ENPP6: variants seen among roughly 807,000 people sequenced by gnomAD.
ENPP6 encodes the protein glycerophosphocholine cholinephosphodiesterase ENPP6.
In ENPP6, 32 loss-of-function variants were observed where a neutral mutation model predicts 42.0. The observed-to-expected ratio is 0.76, with a 90% CI of 0.58 to 1.02. The LOEUF (loss-of-function observed/expected upper bound fraction) is 1.02. Among genes scored for constraint, ENPP6 ranks in the 50% least tolerant of loss-of-function variants. The pLI, the probability that ENPP6 is intolerant of heterozygous loss-of-function variation, is 0.00. For synonymous variants in ENPP6, 213 were observed against 216.0 expected (o/e 0.99, Z 0.12); for missense variants, 552 against 566.8 (o/e 0.97, Z 0.27).
At chr4:184,134,151 T>TATTTATTTATTTATTTA (rs1736689854) in intron 2 of ENPP6, among the ~76,000 whole-genome samples, 1 of 151,702 alleles carries the variant, frequency 6.6e-6, no homozygotes, top group South Asian at 2.1e-4. Context: ...TTTATTTATT[T>TATTTATTTATTTATTTA]ATTTATTTTT....
chr4:184,122,792 A>G (rs906362465), intron 3 of ENPP6, among the ~76,000 whole-genome samples: 2 of 152,142 alleles, frequency 1.3e-5, no homozygotes, highest in African/African-American at 4.8e-5. Flanking sequence ...CCGAAATTTC[A>G]TATTTGGCAC....
chr4:184,162,115 C>T (rs1438475568), intron 1 of ENPP6, among the ~76,000 whole-genome samples: 1 of 152,130 alleles, frequency 6.6e-6, no homozygotes, highest in Non-Finnish European at 1.5e-5. Flanking sequence ...CTGGCCACCA[C>T]TCTCAAGGAC....
chr4:184,217,653 C>G lies in ENPP6; in HGVS notation c.167G>C (p.Arg56Thr), dbSNP rs774674294. 1.2e-5 allele frequency: 19 copies of G among 1,614,100 alleles called. No individual in the cohort carries two copies. In the South Asian group the frequency reaches 2.0e-4, roughly 17 times the overall value. ...AGTCAAGTAATCCACTTTTACTCCC[C>G]TGCTCACAATCTCTTTGAAACCAGG... is the stretch of plus-strand genomic sequence containing the variant. ...SLPGFKEIVS[R>T]GVKVDYLTPD... is the part of the protein sequence containing the mutation. The change falls in exon 1 of 8, where the codon AGG (arginine) becomes ACG (threonine). Residue 56 changes from arginine to threonine, a missense_variant. Arg to Thr is a moderately conservative substitution (Grantham distance 71, BLOSUM62 -1). Coordinates refer to ENST00000296741, the MANE Select transcript of ENPP6 (RefSeq NM_153343.4).
chr4:184,108,312 T>G (rs968972740), intron 6 of ENPP6, among the ~76,000 whole-genome samples: 3 of 152,156 alleles, frequency 2.0e-5, no homozygotes, highest in African/African-American at 7.2e-5. Context: ...AGATGTGAAG[T>G]CTAAGCCAGC....
chr4:184,096,690 C>G (rs1293262590), intron 7 of ENPP6, among the ~76,000 whole-genome samples: 3 of 152,178 alleles, frequency 2.0e-5, no homozygotes, highest in African/African-American at 4.8e-5. Flanking sequence ...CAAATTTGCT[C>G]TCATGCAAGG....
intron 2 of ENPP6, among the ~76,000 whole-genome samples, chr4:184,146,165 G>A (rs1736917104): frequency 6.6e-6 from 1 of 152,030 alleles, no homozygotes. Context: ...AGGCGCAGTG[G>A]CTCACGCCTG....
At chr4:184,108,995 G>A (rs558923160) in intron 6 of ENPP6, among the ~76,000 whole-genome samples, 3 of 152,368 alleles carry the variant, frequency 2.0e-5, no homozygotes, top group Admixed American at 6.5e-5. Flanking sequence ...CAGATCACTT[G>A]AGGTCAGGAG....
intron 7 of ENPP6, among the ~76,000 whole-genome samples, chr4:184,095,672 CTA>C (rs1331515871): frequency 6.4e-5 from 9 of 140,440 alleles, no homozygotes; most frequent in Non-Finnish European, 9.0e-5. Flanking sequence ...AAAAATATAT[CTA>C]TATATATATA....
At chr4:184,215,389 T>G (rs1561014854) in intron 1 of ENPP6, among the ~76,000 whole-genome samples, 1 of 152,326 alleles carries the variant, frequency 6.6e-6, no homozygotes, top group East Asian at 1.9e-4. Context: ...GCTATATCCT[T>G]CTTTATATGA....
chr4:184,165,879 A>G (rs1200239056), intron 1 of ENPP6, among the ~76,000 whole-genome samples: 1 of 152,240 alleles, frequency 6.6e-6, no homozygotes, highest in African/African-American at 2.4e-5. Flanking sequence ...AAAATGTTAA[A>G]TAAGTCAGAT....
intron 6 of ENPP6, among the ~76,000 whole-genome samples, chr4:184,106,332 G>A (rs370940951): frequency 3.3e-5 from 5 of 152,090 alleles, no homozygotes; most frequent in African/African-American, 1.2e-4. Context: ...ACCATGTCCG[G>A]CCACAAAAAT....
At chr4:184,175,540 G>T (rs1737546881) in intron 1 of ENPP6, among the ~76,000 whole-genome samples, 1 of 152,076 alleles carries the variant, frequency 6.6e-6, no homozygotes, top group African/African-American at 2.4e-5. Flanking sequence ...CGCAGAGTGG[G>T]GGCATTTTAT....
intron 2 of ENPP6, among the ~76,000 whole-genome samples, chr4:184,134,713 G>C (rs1421632358): frequency 2.7e-5 from 4 of 150,916 alleles, no homozygotes; most frequent in Non-Finnish European, 5.9e-5. Context: ...TTTGTTGTAT[G>C]TTTATTTTCT....
At chr4:184,097,530 G>A (rs1204986337) in intron 6 of ENPP6, among the ~76,000 whole-genome samples, 162 bp from the exon 7 acceptor site, 1 of 152,158 alleles carries the variant, frequency 6.6e-6, no homozygotes, top group Non-Finnish European at 1.5e-5. Context: ...GCTCCAGGCC[G>A]CTCAGACCTC....
At chr4:184,178,220 T>C (rs1429430374) in intron 1 of ENPP6, among the ~76,000 whole-genome samples, 2 of 151,894 alleles carry the variant, frequency 1.3e-5, no homozygotes, top group African/African-American at 2.4e-5. Flanking sequence ...AACTTCACAA[T>C]GCAACCACAA....
intron 6 of ENPP6, among the ~76,000 whole-genome samples, chr4:184,097,625 TTA>T (rs1735935019): frequency 6.6e-6 from 1 of 152,208 alleles, no homozygotes; most frequent in South Asian, 2.1e-4. Flanking sequence ...GTAATCAGTT[TTA>T]GAGCCACTAA....
rs1391848644 is a variant in ENPP6, at chr4:184,208,905, C to T, written c.241+8674G>A. ...TGGAGATCTGAGAACGGGCAGACTG[C>T]CTCCTCAAGTGGGTCCCTGACCCCT... On this transcript the variant is annotated intron_variant, in intron 1 of 7. Transcript: ENST00000296741. 2.9e-3 allele frequency among the ~76,000 whole-genome samples: 416 copies of T among 143,444 alleles called. 3 individuals carry two copies. Among genetic ancestry groups the T allele is most frequent in the African/African-American group, 0.01 (390 of 38,526 alleles). 94.1% of individuals were successfully genotyped at this position (143,444 alleles called of 152,430 possible).
chr4:184,171,238 T>C (rs1002185139), intron 1 of ENPP6, among the ~76,000 whole-genome samples: 1 of 152,230 alleles, frequency 6.6e-6, no homozygotes, highest in Non-Finnish European at 1.5e-5. Context: ...GGCTGAGACC[T>C]TAGCTGGGTT....
intron 1 of ENPP6, among the ~76,000 whole-genome samples, chr4:184,204,703 C>A (rs1461986643): frequency 6.6e-6 from 1 of 152,200 alleles, no homozygotes; most frequent in Non-Finnish European, 1.5e-5. Flanking sequence ...CTGACTCCAA[C>A]CTTATAATCA....
Sources: allele counts gnomAD v4.1 joint callset (sites outside exome capture counted in the v4.1 genomes callset), GRCh38; gene constraint gnomAD v4.1.1; transcripts MANE v1.5; gene names NCBI Gene and HGNC (gene_info 2026-07-23, HGNC 2026-07-21).